The following BICRA variants were observed in gnomAD, a reference collection of about 807,000 sequenced individuals.
BICRA encodes BRD4 interacting chromatin remodeling complex associated protein.
In BICRA, 31 loss-of-function variants were observed where a neutral mutation model predicts 96.9. That is an observed-to-expected ratio of 0.32 (90% CI 0.24 to 0.43). The LOEUF is 0.43. Ranked by LOEUF, BICRA falls within the 20% of genes least tolerant of loss-of-function variation. BICRA has a pLI of 1.00. For synonymous variants in BICRA, 1,350 were observed against 1,071.8 expected, an observed-to-expected ratio of 1.26 and a Z score of -5.07; for missense variants, 2,283 against 2,190.3, an observed-to-expected ratio of 1.04 and a Z score of -0.84.
intron 2 of BICRA, 85 bp from the exon 3 acceptor site, chr19:47,673,485 G>A: frequency 3.8e-6 from 4 of 1,049,954 alleles, no homozygotes; most frequent in Non-Finnish European, 3.0e-6. Flanking sequence ...CCCTCCAGGG[G>A]GCTCCCCTGA....
chr19:47,641,653 A>T (rs1377490460), intron 1 of BICRA, among the ~76,000 whole-genome samples: 1 of 152,174 alleles, frequency 6.6e-6, no homozygotes, highest in Non-Finnish European at 1.5e-5. Context: ...AATATAAAAT[A>T]AAATAAAAAT....
intron 1 of BICRA, among the ~76,000 whole-genome samples, chr19:47,620,493 C>T (rs959839574): frequency 3.3e-5 from 5 of 151,398 alleles, no homozygotes; most frequent in African/African-American, 1.2e-4. Context: ...ATGGTGAAAC[C>T]CCGTCTCTAC....
intron 1 of BICRA, among the ~76,000 whole-genome samples, chr19:47,618,187 G>A (rs141115032): frequency 7.9e-5 from 12 of 152,240 alleles, no homozygotes; most frequent in East Asian, 3.9e-4. Flanking sequence ...TGCAGAAATC[G>A]TCCTCATAAA....
At chr19:47,611,210 C>T (rs1425124820) in intron 1 of BICRA, among the ~76,000 whole-genome samples, 1 of 152,170 alleles carries the variant, frequency 6.6e-6, no homozygotes, top group Non-Finnish European at 1.5e-5. Context: ...GGCATTTTGT[C>T]CCCCTGACTT....
intron 7 of BICRA, among the ~76,000 whole-genome samples, chr19:47,687,317 A>AT (rs1355198194): frequency 6.6e-6 from 1 of 151,824 alleles, no homozygotes; most frequent in African/African-American, 2.4e-5. Flanking sequence ...TATTCTTATG[A>AT]TTTTTTTTCT....
chr19:47,667,262 G>T (rs952114190), intron 1 of BICRA, among the ~76,000 whole-genome samples: 2 of 152,058 alleles, frequency 1.3e-5, no homozygotes, highest in Admixed American at 6.5e-5. Context: ...TGATCCGCCC[G>T]CCTTGGCCTC....
chr19:47,698,896 G>T lies in BICRA; in HGVS notation c.3398-69G>T. 7.3e-7 allele frequency: 1 copy of T among 1,372,852 alleles called. No homozygotes were observed. The highest frequency in any genetic ancestry group is 1.0e-6 in the Non-Finnish European group (1 of 983,944). The allele number at this position is 1,372,852 out of a possible 1,614,324, so 85.0% of individuals were successfully genotyped here. A position where few individuals can be genotyped will look rare whatever the true frequency, so the allele number is the denominator to read the frequency against. ...CGGTGCGCTATGCTGACCCTGCCCC[G>T]CCCTCCTTCCTGCGCATCCGCGGCC... On this transcript the variant is annotated intron_variant, in intron 12 of 14. Transcript: ENST00000594866. The surrounding 1 kb of genome is among the most constrained non-coding windows in gnomAD (Gnocchi z 4.8).
chr19:47,695,385 G>A lies in BICRA; in HGVS notation c.3097G>A (p.Ala1033Thr). The change falls in exon 10 of 15, where the codon GCC becomes ACC. Residue 1033 changes from alanine to threonine, a missense_variant. Ala to Thr is a moderately conservative substitution (Grantham distance 58, BLOSUM62 0). Transcript: ENST00000594866. ...AATGLPPLLP[A>T]ENKAFASNLP... ...CCCAGGCCTCCCTCCTCTGCTTCCAGCCGAGAACAAGGCTTTTGCCAGCAA... is the reference window on the plus strand; with the variant it reads ...CCCAGGCCTCCCTCCTCTGCTTCCAACCGAGAACAAGGCTTTTGCCAGCAA... 2 of 1,334,124 alleles carry A rather than the reference G, an allele frequency of 1.5e-6. No individual in the cohort carries two copies. The highest frequency in any genetic ancestry group is 2.0e-6 in the Non-Finnish European group (2 of 1,001,856). The allele number at this position is 1,334,124 out of a possible 1,614,324, so 82.6% of individuals were successfully genotyped here.
Position 47,694,599 on chromosome 19 carries a change from C to G in BICRA, c.2768C>G (p.Pro923Arg). The change falls in exon 8 of 15, where the codon CCT (proline) becomes CGT (arginine). Residue 923 changes from proline to arginine, a missense_variant. By Grantham distance (103) the Pro-to-Arg change is moderately radical (BLOSUM62 -2). Transcript: ENST00000594866. ...GGGCCCCACAAGTCCCCCACTCCCC[C>G]TCCAACCCTCCACCTGGTCCCTGAG... ...SQGPHKSPTPPPTLHLVPEPA... is the reference protein window; with the variant it reads ...SQGPHKSPTPRPTLHLVPEPA... The G allele has an allele frequency of 1.3e-6, 2 of 1,571,770 alleles. No homozygotes were observed. The highest frequency in any genetic ancestry group is 1.7e-5 in the Admixed American group (1 of 59,878).
At chr19:47,669,563 C>G (rs1293968081) in intron 1 of BICRA, among the ~76,000 whole-genome samples, 4 of 151,932 alleles carry the variant, frequency 2.6e-5, no homozygotes, top group Admixed American at 2.6e-4. Context: ...ATGTTATATA[C>G]ACTATAGTGT....
intron 1 of BICRA, among the ~76,000 whole-genome samples, chr19:47,637,120 TTTTA>T (rs1206297050): frequency 1.3e-5 from 2 of 151,984 alleles, no homozygotes; most frequent in Non-Finnish European, 2.9e-5. Flanking sequence ...TTTTATTTTA[TTTTA>T]TTTATTTATT....
chr19:47,638,290 A>G (rs1972330675), intron 1 of BICRA, among the ~76,000 whole-genome samples: 1 of 152,178 alleles, frequency 6.6e-6, no homozygotes, highest in African/African-American at 2.4e-5. Context: ...GACAGAAGGG[A>G]CAGCCTGCTG....
chr19:47,685,831 A>C (rs1973149040), intron 7 of BICRA, among the ~76,000 whole-genome samples: 1 of 148,360 alleles, frequency 6.7e-6, no homozygotes, highest in African/African-American at 2.5e-5. Context: ...TGTTAACACA[A>C]ACAGAAATGC....
intron 4 of BICRA, among the ~76,000 whole-genome samples, chr19:47,674,809 A>G (rs1030246443): frequency 5.9e-5 from 9 of 152,218 alleles, no homozygotes; most frequent in Non-Finnish European, 1.0e-4. Context: ...GATCCGAGAG[A>G]GGACACAGGA....
intron 1 of BICRA, among the ~76,000 whole-genome samples, chr19:47,623,740 A>G (rs1442347119): frequency 4.0e-5 from 6 of 150,908 alleles, no homozygotes; most frequent in Admixed American, 3.3e-4. Context: ...CTTCTAGGGC[A>G]GGCTTTGGGG....
intron 1 of BICRA, among the ~76,000 whole-genome samples, chr19:47,609,477 AC>A (rs374581195): frequency 0.039 from 5,168 of 132,704 alleles, 228 homozygotes; most frequent in African/African-American, 0.13. Context: ...TCCTATGGGG[AC>A]CCCCCCCCAA....
intron 1 of BICRA, among the ~76,000 whole-genome samples, chr19:47,660,762 C>G (rs923774082): frequency 2.0e-5 from 3 of 152,142 alleles, no homozygotes; most frequent in Admixed American, 6.5e-5. Context: ...GTAGTTCCCA[C>G]GGGCTTAGGA....
intron 1 of BICRA, among the ~76,000 whole-genome samples, chr19:47,636,047 T>C (rs746292954): frequency 6.6e-6 from 1 of 152,178 alleles, no homozygotes; most frequent in Non-Finnish European, 1.5e-5. Context: ...CTTCAGACTA[T>C]GTGTATAAAG....
At chr19:47,667,049 T>TC (rs962541396) in intron 1 of BICRA, among the ~76,000 whole-genome samples, 1 of 148,628 alleles carries the variant, frequency 6.7e-6, no homozygotes, top group African/African-American at 2.5e-5. Flanking sequence ...GACGGAGTCT[T>TC]GCTCTGTCGC....
Sources: gnomAD v4.1 joint callset for allele counts (sites outside exome capture counted in the v4.1 genomes callset) on GRCh38, gnomAD v4.1.1 for gene constraint, Gnocchi (gnomAD v3.1) non-coding constraint, MANE v1.5 for transcripts, NCBI Gene and HGNC (gene_info 2026-07-23, HGNC 2026-07-21) for gene names.